DPYD: variants seen among roughly 807,000 people sequenced by gnomAD.
DPYD encodes dihydropyrimidine dehydrogenase [NADP(+)].
In DPYD, 109 loss-of-function variants were observed where a neutral mutation model predicts 116.2. That is an observed-to-expected ratio of 0.94 (90% confidence interval 0.80 to 1.10). The LOEUF is 1.10. DPYD is among the 50% of genes least tolerant of loss of function. The probability of loss-of-function intolerance (pLI) is 0.00; values close to 1 mark genes in which losing one functional copy is unlikely to be tolerated. For missense variants in DPYD, 1,302 were observed against 1,254.5 expected (o/e 1.04, Z -0.57); for synonymous variants, 440 against 432.0 (o/e 1.02, Z -0.23).
At chr1:97,868,662 A>T (rs1395700458) in intron 2 of DPYD, among the ~76,000 whole-genome samples, 1 of 151,810 alleles carries the variant, frequency 6.6e-6, no homozygotes, top group Non-Finnish European at 1.5e-5. Context: ...AGAGCTAGCT[A>T]GTTAAGGTGA....
Position 97,792,521 on chromosome 1 carries a change from A to G in DPYD, c.233+35593T>C, listed in dbSNP as rs184708571. The stretch of plus-strand genomic sequence containing the variant: ...CACCTCAGCCTCCCAAACTGCTGGG[A>G]TTACAGGCGTGAGCCACCGCGCCTG... On this transcript the variant is annotated intron_variant, in intron 3 of 22. Coordinates refer to ENST00000370192, the MANE Select transcript of DPYD (RefSeq NM_000110.4). Among the ~76,000 whole-genome samples the G allele has an allele frequency of 1.6e-3, 244 of 152,250 alleles. 2 individuals carry two copies. Among genetic ancestry groups the G allele is most frequent in the African/African-American group, 5.6e-3 (231 of 41,542 alleles).
At chr1:97,308,481 A>T (rs891359132) in intron 16 of DPYD, 1 of 151,892 alleles carries the variant, frequency 6.6e-6, no homozygotes, top group African/African-American at 2.4e-5. Context: ...CAAAATTACC[A>T]TAAAAATTAA....
At chr1:97,813,441 C>T (rs1311829828) in intron 3 of DPYD, among the ~76,000 whole-genome samples, 1 of 152,028 alleles carries the variant, frequency 6.6e-6, no homozygotes, top group Non-Finnish European at 1.5e-5. Flanking sequence ...GTAATTTAAC[C>T]TTATTGTAAA....
At chr1:97,902,919 C>A (rs1417065303) in intron 1 of DPYD, among the ~76,000 whole-genome samples, 2 of 151,824 alleles carry the variant, frequency 1.3e-5, no homozygotes, top group Non-Finnish European at 2.9e-5. Flanking sequence ...TACCTCCCAA[C>A]ACTACATAGT....
chr1:97,744,021 T>G (rs1280964298), intron 3 of DPYD, among the ~76,000 whole-genome samples: 1 of 152,026 alleles, frequency 6.6e-6, no homozygotes, highest in African/African-American at 2.4e-5. Context: ...ACTTTTTAAA[T>G]TTTCATATTT....
chr1:97,082,275 G>C (rs290854), intron 22 of DPYD, 55 bp downstream of exon 22: 17 of 1,611,400 alleles, frequency 1.1e-5, no homozygotes, highest in Non-Finnish European at 1.4e-5. Context: ...GCTTTCTGCC[G>C]TAAAAACAAG....
chr1:97,109,021 A>G (rs891371738), intron 20 of DPYD, among the ~76,000 whole-genome samples: 3 of 152,174 alleles, frequency 2.0e-5, no homozygotes, highest in African/African-American at 7.2e-5. Flanking sequence ...AACTAGCTGA[A>G]TGACCTGGGG....
Position 97,195,664 on chromosome 1 carries a change from A to G in DPYD, c.2443-2416T>C, listed in dbSNP as rs370681442. On this transcript the variant is annotated intron_variant, in intron 19 of 22. Coordinates refer to ENST00000370192, the MANE Select transcript of DPYD (RefSeq NM_000110.4). ...TATATATATATATATATATATATAT[A>G]TATATATATATATATATATATATAT... Among the ~76,000 whole-genome samples, 131 of 48,604 alleles carry G rather than the reference A, an allele frequency of 2.7e-3. 9 individuals carry two copies. Among genetic ancestry groups the G allele is most frequent in the East Asian group, 0.013 (39 of 2,984 alleles). The allele number at this position is 48,604 out of a possible 152,430, so 31.9% of individuals were successfully genotyped here.
chr1:97,646,668 T>G (rs1330082416), intron 8 of DPYD, among the ~76,000 whole-genome samples: 1 of 152,106 alleles, frequency 6.6e-6, no homozygotes, highest in Non-Finnish European at 1.5e-5. Context: ...TTCCATAAAT[T>G]TTCTGTAGTA....
chr1:97,476,735 TA>T (rs372995959), intron 13 of DPYD, among the ~76,000 whole-genome samples: 48 of 147,380 alleles, frequency 3.3e-4, no homozygotes, highest in African/African-American at 9.4e-4. Context: ...ACAAAAATAC[TA>T]AAAAAAAAAC....
At chr1:97,238,377 T>C (rs1662096990) in intron 18 of DPYD, among the ~76,000 whole-genome samples, 1 of 152,142 alleles carries the variant, frequency 6.6e-6, no homozygotes, top group South Asian at 2.1e-4. Context: ...ATAATCTACC[T>C]GTTCTCAGCA....
intron 8 of DPYD, among the ~76,000 whole-genome samples, chr1:97,628,535 AAACAATTCTATCAAAT>A: frequency 6.6e-6 from 1 of 152,242 alleles, no homozygotes; most frequent in African/African-American, 2.4e-5. Context: ...TAATATTTTC[AAACAATTCTATCAAAT>A]AACAGTTGAT....
intron 6 of DPYD, among the ~76,000 whole-genome samples, chr1:97,698,740 ATTTC>A (rs1478312550): frequency 6.6e-6 from 1 of 151,884 alleles, no homozygotes; most frequent in Non-Finnish European, 1.5e-5. Flanking sequence ...AATAAATTTT[ATTTC>A]TTTATGATAA....
intron 14 of DPYD, among the ~76,000 whole-genome samples, chr1:97,407,433 T>C (rs1406707606): frequency 6.6e-6 from 1 of 152,174 alleles, no homozygotes; most frequent in Non-Finnish European, 1.5e-5. Flanking sequence ...TAGATAATCC[T>C]GGCGTGTACA....
chr1:97,110,640 A>G (rs542963159), intron 20 of DPYD, among the ~76,000 whole-genome samples: 2 of 152,136 alleles, frequency 1.3e-5, no homozygotes, highest in Admixed American at 6.5e-5. Flanking sequence ...ACTTCCCTTC[A>G]AACTTCTTTT....
intron 12 of DPYD, among the ~76,000 whole-genome samples, chr1:97,534,788 T>C (rs184727396): frequency 1.7e-3 from 255 of 152,190 alleles, no homozygotes; most frequent in African/African-American, 5.8e-3. Flanking sequence ...GGAAAATGGT[T>C]AATCCATAGG....
chr1:97,178,948 A>G (rs1446958051), intron 20 of DPYD, among the ~76,000 whole-genome samples: 1 of 152,176 alleles, frequency 6.6e-6, no homozygotes, highest in Admixed American at 6.5e-5. Flanking sequence ...TCATCGTGGC[A>G]GAGAAAGGGA....
intron 20 of DPYD, among the ~76,000 whole-genome samples, chr1:97,156,010 T>C (rs974271706): frequency 6.6e-6 from 1 of 152,174 alleles, no homozygotes; most frequent in South Asian, 2.1e-4. Context: ...CTGGTGATGA[T>C]GCTGATGTTG....
intron 11 of DPYD, among the ~76,000 whole-genome samples, chr1:97,562,264 G>C (rs909809436): frequency 6.6e-6 from 1 of 152,190 alleles, no homozygotes; most frequent in Non-Finnish European, 1.5e-5. Flanking sequence ...AATGTGATGA[G>C]ACTGGTGATG....
Sources: gnomAD v4.1 joint callset for allele counts (sites outside exome capture counted in the v4.1 genomes callset) on GRCh38, gnomAD v4.1.1 for gene constraint, MANE v1.5 for transcripts, NCBI Gene and HGNC (gene_info 2026-07-23, HGNC 2026-07-21) for gene names.